The following FRMPD4 variants were observed in gnomAD, a reference collection of about 807,000 sequenced individuals.
FRMPD4 encodes the protein FERM and PDZ domain-containing protein 4.
FRMPD4 carries 22 observed loss-of-function variants against 94.1 expected under a neutral mutation model. That is an observed-to-expected ratio of 0.23 (90% CI 0.17 to 0.33). The LOEUF is 0.33. Ranked by LOEUF, FRMPD4 falls within the 10% of genes least tolerant of loss-of-function variation. The pLI is 1.00. For missense variants in FRMPD4, 1,111 were observed against 1,339.9 expected, an observed-to-expected ratio of 0.83 and a Z score of 2.67; for synonymous variants, 631 against 548.6, an observed-to-expected ratio of 1.15 and a Z score of -2.10.
intron 2 of FRMPD4, among the ~76,000 whole-genome samples, chrX:11,874,811 G>T (rs1349767325): frequency 8.9e-6 from 1 of 111,891 alleles, no homozygotes; most frequent in Non-Finnish European, 1.9e-5. Context: ...AGGAAAGATT[G>T]GTTTTGGTCA....
intron 2 of FRMPD4, among the ~76,000 whole-genome samples, chrX:12,603,384 A>G (rs1485497645): frequency 8.9e-6 from 1 of 112,055 alleles, no homozygotes; most frequent in African/African-American, 3.2e-5. Flanking sequence ...TTCACACAGC[A>G]TGCTTTCTAC....
chrX:12,218,898 A>G (rs2056835344), intron 1 of FRMPD4, among the ~76,000 whole-genome samples: 1 of 112,545 alleles, frequency 8.9e-6, no homozygotes, highest in Non-Finnish European at 1.9e-5. Flanking sequence ...CATTTGGTTT[A>G]TGATGGGTTT....
intron 7 of FRMPD4, among the ~76,000 whole-genome samples, chrX:12,686,706 G>A (rs1445118407): frequency 8.9e-6 from 1 of 111,959 alleles, no homozygotes; most frequent in Non-Finnish European, 1.9e-5. Context: ...TGCATAAAGA[G>A]GCAGAAATGA....
rs145362918 is a variant in FRMPD4 at position 11,891,833 on chromosome X, A to T, written c.95+13815A>T. Among the ~76,000 whole-genome samples the T allele has an allele frequency of 5.0e-3, 561 of 112,559 alleles. 2 individuals are homozygous for T. The highest frequency in any genetic ancestry group is 9.3e-3 in the Middle Eastern group (2 of 216). On this transcript the variant is annotated intron_variant, in intron 3 of 18. Transcript: ENST00000640291. ...ACATATTTGATAAATGTCATTTAGT[A>T]GTATCAAAATTATTGTGAGAGTAGA...
In FRMPD4 at chrX:12,282,694, A is replaced by G. The variant is rs146171111; in HGVS notation, c.41+143682A>G. Among the ~76,000 whole-genome samples, 1,031 of 112,343 alleles carry G rather than the reference A, an allele frequency of 9.2e-3. 5 individuals carry two copies. Among genetic ancestry groups the G allele is most frequent in the Middle Eastern group, 0.028 (6 of 216 alleles). On this transcript the variant is annotated intron_variant, in intron 1 of 16. Transcript: ENST00000675598. ...AAATAGCACCAAGTTGCCATCTACA[A>G]ACCCAAAGGAAATTAGACTCATCTC...
At chrX:12,107,473 A>G (rs753672955) in intron 3 of FRMPD4, among the ~76,000 whole-genome samples, 3 of 112,269 alleles carry the variant, frequency 2.7e-5, no homozygotes, top group Non-Finnish European at 5.6e-5. Flanking sequence ...AAAGCTGAAG[A>G]TTGTAAAAAT....
chrX:11,888,635 T>A (rs956584575), intron 3 of FRMPD4, among the ~76,000 whole-genome samples: 9 of 111,925 alleles, frequency 8.0e-5, no homozygotes, highest in Non-Finnish European at 1.3e-4. Flanking sequence ...CTTGGAGATA[T>A]TGCAGGTTGG....
intron 1 of FRMPD4, among the ~76,000 whole-genome samples, chrX:12,479,433 TACAC>T (rs1491290488): frequency 1.4e-4 from 14 of 100,771 alleles, no homozygotes; most frequent in East Asian, 3.0e-4. Flanking sequence ...CGTATATATA[TACAC>T]ACATATATGT....
chrX:12,288,935 TAGG>T (rs760517475), intron 1 of FRMPD4, among the ~76,000 whole-genome samples: 122 of 112,254 alleles, frequency 1.1e-3, no homozygotes, highest in Middle Eastern at 4.6e-3. Context: ...ACAGGTGTGT[TAGG>T]AGATGAGCTG....
intron 1 of FRMPD4, among the ~76,000 whole-genome samples, chrX:12,388,687 C>T (rs965850912): frequency 5.7e-5 from 6 of 106,045 alleles, no homozygotes; most frequent in African/African-American, 2.1e-4. Context: ...TGGTTATTTA[C>T]CCAAAAGATC....
intron 3 of FRMPD4, among the ~76,000 whole-genome samples, chrX:12,033,752 C>G (rs2054704881): frequency 8.9e-6 from 1 of 111,755 alleles, no homozygotes; most frequent in African/African-American, 3.3e-5. Context: ...GGCTGGAGTG[C>G]AATGGCACAA....
rs185071912 is a variant in FRMPD4, at chrX:12,166,965, G to C, written c.41+27953G>C. Among the ~76,000 whole-genome samples, 461 of 110,691 alleles carry C rather than the reference G, an allele frequency of 4.2e-3. 3 individuals are homozygous for C. Among genetic ancestry groups the C allele is most frequent in the Non-Finnish European group, 5.4e-3 (285 of 52,945 alleles). The stretch of plus-strand genomic sequence containing the variant: ...CTTTTTTTCTTTATTAGTCTTGCTA[G>C]TGGTCTATCAATTTTGTTGATCTTT... On this transcript the variant is annotated intron_variant, in intron 1 of 16. Transcript: ENST00000675598.
chrX:12,286,552 C>T (rs2054602833), intron 1 of FRMPD4, among the ~76,000 whole-genome samples: 1 of 112,140 alleles, frequency 8.9e-6, no homozygotes, highest in African/African-American at 3.2e-5. Context: ...CATGTACTGC[C>T]ATTTTGTGAT....
intron 2 of FRMPD4, among the ~76,000 whole-genome samples, chrX:12,548,157 T>C (rs1279248338): frequency 8.9e-6 from 1 of 112,372 alleles, no homozygotes; most frequent in African/African-American, 3.2e-5. Context: ...CCATGGGCTG[T>C]ACTCCCCTTC....
intron 3 of FRMPD4, among the ~76,000 whole-genome samples, chrX:12,058,752 G>C (rs1159831689): frequency 9.0e-6 from 1 of 110,649 alleles, no homozygotes; most frequent in Non-Finnish European, 1.9e-5. Flanking sequence ...TTCATCCAGG[G>C]GTCATTTTGC....
At chrX:12,299,921 A>G (rs1346070279) in intron 1 of FRMPD4, among the ~76,000 whole-genome samples, 1 of 112,510 alleles carries the variant, frequency 8.9e-6, no homozygotes, top group African/African-American at 3.2e-5. Flanking sequence ...TTCTTAAAGT[A>G]GGGGATAATC....
chrX:12,555,681 T>C (rs2058588505), intron 2 of FRMPD4, among the ~76,000 whole-genome samples: 1 of 111,679 alleles, frequency 9.0e-6, no homozygotes, highest in African/African-American at 3.3e-5. Flanking sequence ...TGCAGTCTTC[T>C]ACAAAATACT....
intron 2 of FRMPD4, among the ~76,000 whole-genome samples, chrX:12,520,286 TA>T (rs2058147675): frequency 8.9e-6 from 1 of 111,919 alleles, no homozygotes; most frequent in African/African-American, 3.3e-5. Flanking sequence ...AAAGGACAAA[TA>T]CTGTAGATTC....
Position 12,410,967 on chromosome X carries a change from G to T in FRMPD4, c.42-87713G>T, listed in dbSNP as rs766290361. Among the ~76,000 whole-genome samples, 128 of 111,843 alleles carry T rather than the reference G, an allele frequency of 1.1e-3. 1 individual carries two copies. Among genetic ancestry groups the T allele is most frequent in the Admixed American group, 4.0e-3 (42 of 10,544 alleles). On this transcript the variant is annotated intron_variant, in intron 1 of 16. Coordinates refer to ENST00000675598, the MANE Select transcript of FRMPD4 (RefSeq NM_001368397.1). ...TATATAAGCAAAATAGAATTGTTAA[G>T]GTATTCCTAAAACTTCATCGCATTC... is the stretch of plus-strand genomic sequence containing the variant.
Sources: gnomAD v4.1 joint callset for allele counts (sites outside exome capture counted in the v4.1 genomes callset) on GRCh38, gnomAD v4.1.1 for gene constraint, MANE v1.5 for transcripts, NCBI Gene and HGNC (gene_info 2026-07-23, HGNC 2026-07-21) for gene names.